NUP35: variants seen among roughly 807,000 people sequenced by gnomAD.
The protein encoded by NUP35 is nucleoporin NUP35.
A neutral mutation model predicts 41.5 loss-of-function variants in NUP35; 25 were observed. The ratio of observed to expected loss-of-function variants is 0.60; its 90% CI spans 0.44 to 0.84. NUP35 has a LOEUF of 0.84. NUP35 is among the 40% of genes least tolerant of loss of function. The pLI is 0.00. For missense variants in NUP35, 396 were observed against 396.6 expected, an observed-to-expected ratio of 1.00 and a Z score of 0.01; for synonymous variants, 149 against 130.7, an observed-to-expected ratio of 1.14 and a Z score of -0.96.
intron 5 of NUP35, 142 bp from the exon 6 acceptor site, chr2:183,157,302 G>C (rs912516281): frequency 1.5e-6 from 1 of 677,586 alleles, no homozygotes; most frequent in Non-Finnish European, 2.6e-6. Flanking sequence ...AGCCCATATC[G>C]GGGAAAACAG....
intron 3 of NUP35, among the ~76,000 whole-genome samples, chr2:183,130,801 A>G (rs1164489356): frequency 1.3e-5 from 2 of 152,226 alleles, no homozygotes; most frequent in Non-Finnish European, 2.9e-5. Flanking sequence ...CCACCTGCCC[A>G]TAGCTCCAAC....
At chr2:183,126,931 A>G (rs947447856) in intron 1 of NUP35, among the ~76,000 whole-genome samples, 3 of 152,044 alleles carry the variant, frequency 2.0e-5, no homozygotes, top group African/African-American at 7.2e-5. Flanking sequence ...TTTTGCTATT[A>G]TAAAATATTT....
chr2:183,149,281 A>G lies in NUP35; in HGVS notation c.398-2227A>G, dbSNP rs189078056. Among the ~76,000 whole-genome samples, 667 of 152,326 alleles carry G rather than the reference A, an allele frequency of 4.4e-3. 8 individuals carry two copies. Among genetic ancestry groups the G allele is most frequent in the Middle Eastern group, 0.014 (4 of 294 alleles). On this transcript the variant is annotated intron_variant, in intron 4 of 8. Coordinates refer to ENST00000295119, the MANE Select transcript of NUP35 (RefSeq NM_138285.5). ...TTGTTTATATAGATTATAGCTATCA[A>G]TATTTACTGCATTCAAAATTAAAAC...
At chr2:183,138,270 T>TATATATGTATATATA (rs1553530933) in intron 4 of NUP35, among the ~76,000 whole-genome samples, 4 of 25,334 alleles carry the variant, frequency 1.6e-4, no homozygotes, top group African/African-American at 5.3e-4. Context: ...TATATATATA[T>TATATATGTATATATA]TTTTTTTTTT....
chr2:183,159,682 T>C, intron 8 of NUP35, 30 bp downstream of exon 8: 1 of 1,555,276 alleles, frequency 6.4e-7, no homozygotes, highest in Non-Finnish European at 8.9e-7. Flanking sequence ...AAAAAAGATG[T>C]ACTTTAATGG....
In NUP35 at chr2:183,151,648, G is replaced by A; in HGVS notation, c.538G>A (p.Gly180Arg). 6.2e-7 allele frequency: 1 copy of A among 1,611,748 alleles called. No homozygotes were observed. The highest frequency in any genetic ancestry group is 8.5e-7 in the Non-Finnish European group (1 of 1,179,344). The change falls in exon 5 of 9, where the codon GGG becomes AGG. Residue 180 changes from glycine to arginine, a missense_variant and splice_region_variant. Gly to Arg is a moderately radical substitution (Grantham distance 125, BLOSUM62 -2). Coordinates refer to ENST00000295119, the MANE Select transcript of NUP35 (RefSeq NM_138285.5). ...CGATGACTCTTGGGTGACTGTATTT[G>A]GGTAAGGTTTGCAGACCATTTGCCT... is the stretch of plus-strand genomic sequence containing the variant. ...HLDDSWVTVF[G>R]FPQASASYIL...
At chr2:183,130,645 T>G in intron 3 of NUP35, 100 bp downstream of exon 3, 1 of 1,267,204 alleles carries the variant, frequency 7.9e-7, no homozygotes, top group Non-Finnish European at 1.1e-6. Context: ...TGAAGTCTGT[T>G]TTAATGTAAC....
intron 8 of NUP35, 180 bp from the exon 9 acceptor site, chr2:183,160,872 GGA>G (rs1685848729): frequency 2.3e-6 from 1 of 431,092 alleles, no homozygotes; most frequent in African/African-American, 2.0e-5. Flanking sequence ...CACGAGGTCA[GGA>G]GATCGAGACC....
At chr2:183,124,609 G>A in intron 1 of NUP35, 112 bp downstream of exon 1, 1 of 1,405,462 alleles carries the variant, frequency 7.1e-7, no homozygotes, top group Non-Finnish European at 1.0e-6. Context: ...TTCAGTCGCG[G>A]AGAGGGAATC....
Position 183,128,406 on chromosome 2 carries a change from A to G in NUP35, c.160A>G (p.Ile54Val). ...PAPVTPQPRS[I>V]SGPSVGVMEM... ...TCCGGTGACTCCACAACCTCGATCA[A>G]TTAGTGGCCCTTCAGTAGGAGTAAT... The change falls in exon 2 of 9, where the codon ATT (isoleucine) becomes GTT (valine). Residue 54 changes from isoleucine to valine, a missense_variant. Ile to Val is a conservative substitution (Grantham distance 29, BLOSUM62 3). Transcript: ENST00000295119. The G allele has an allele frequency of 4.3e-6, 7 of 1,613,944 alleles. No homozygotes were observed. The highest frequency in any genetic ancestry group is 5.9e-6 in the Non-Finnish European group (7 of 1,179,984).
At chr2:183,148,815 C>A (rs187560228) in intron 4 of NUP35, among the ~76,000 whole-genome samples, 1 of 152,070 alleles carries the variant, frequency 6.6e-6, no homozygotes, top group Non-Finnish European at 1.5e-5. Context: ...CACACCACTA[C>A]GCCCAGCTAA....
intron 1 of NUP35, among the ~76,000 whole-genome samples, chr2:183,126,403 A>C (rs560494848): frequency 1.3e-5 from 2 of 151,998 alleles, no homozygotes; most frequent in South Asian, 4.1e-4. Flanking sequence ...TTTTTCTTTT[A>C]GGGAGGGGGA....
At chr2:183,145,307 G>C (rs13023969) in intron 4 of NUP35, among the ~76,000 whole-genome samples, 24,132 of 152,116 alleles carry the variant, frequency 0.16, 2,223 homozygotes, top group African/African-American at 0.25. Flanking sequence ...AACTGCTTAG[G>C]ACCAGAAGAG....
At chr2:183,124,689 C>G (rs537739676) in intron 1 of NUP35, among the ~76,000 whole-genome samples, 192 bp downstream of exon 1, 1 of 152,234 alleles carries the variant, frequency 6.6e-6, no homozygotes, top group African/African-American at 2.4e-5. Context: ...ACAAAGGTGG[C>G]GCCGGGAAGC....
chr2:183,124,522 G>A, intron 1 of NUP35, 25 bp downstream of exon 1: 4 of 1,613,660 alleles, frequency 2.5e-6, no homozygotes, highest in Non-Finnish European at 3.4e-6. Flanking sequence ...GCTTTTCCTT[G>A]CTGGCACTGC....
chr2:183,131,842 C>T (rs893975522), intron 3 of NUP35, among the ~76,000 whole-genome samples: 2 of 152,042 alleles, frequency 1.3e-5, no homozygotes, highest in Non-Finnish European at 2.9e-5. Context: ...GGTAAAATTA[C>T]ACGTATGGAA....
chr2:183,135,577 G>C (rs1297731169), intron 4 of NUP35, among the ~76,000 whole-genome samples: 1 of 152,178 alleles, frequency 6.6e-6, no homozygotes, highest in Non-Finnish European at 1.5e-5. Context: ...TTAGAAGCAA[G>C]GAGACAAGTT....
upstream of NUP35, among the ~76,000 whole-genome samples, chr2:183,121,933 A>ATTATTATTATTATTAT (rs1553526836): frequency 7.3e-5 from 11 of 149,660 alleles, no homozygotes; most frequent in Non-Finnish European, 1.0e-4. Flanking sequence ...TATTATTATT[A>ATTATTATTATTATTAT]TACTTTAAGT....
intron 8 of NUP35, chr2:183,160,837 C>T (rs1410311036): frequency 2.8e-6 from 1 of 357,776 alleles, no homozygotes; most frequent in African/African-American, 2.1e-5. Flanking sequence ...AATCCCAGCA[C>T]TTTGGCAGGC....
Sources: allele counts gnomAD v4.1 joint callset (sites outside exome capture counted in the v4.1 genomes callset), GRCh38; gene constraint gnomAD v4.1.1; transcripts MANE v1.5; gene names NCBI Gene and HGNC (gene_info 2026-07-23, HGNC 2026-07-21).